Variants in AK5 observed in about 807,000 individuals in gnomAD.
The protein encoded by AK5 is adenylate kinase 5, also known as adenylate kinase isoenzyme 5.
Under a neutral mutation model 69.5 loss-of-function variants are expected in AK5, and 27 were observed. That is an observed-to-expected ratio of 0.39 (90% CI 0.29 to 0.54). AK5 has a LOEUF of 0.54. Ranked by LOEUF, AK5 falls within the 20% of genes least tolerant of loss-of-function variation. The pLI is 0.71. For synonymous variants in AK5, 260 were observed against 244.4 expected (o/e 1.06, Z -0.60); for missense variants, 531 against 700.4 (o/e 0.76, Z 2.73).
chr1:77,511,302 CA>C (rs1462347072), intron 10 of AK5, among the ~76,000 whole-genome samples: 1 of 151,726 alleles, frequency 6.6e-6, no homozygotes, highest in Non-Finnish European at 1.5e-5. Flanking sequence ...TTCATCTGGA[CA>C]AAAAAGAGGG....
At chr1:77,427,872 CA>C (rs1651319346) in intron 8 of AK5, among the ~76,000 whole-genome samples, 1 of 152,112 alleles carries the variant, frequency 6.6e-6, no homozygotes, top group Admixed American at 6.5e-5. Flanking sequence ...TGCAATAAGA[CA>C]AGAAAATAAA....
intron 8 of AK5, among the ~76,000 whole-genome samples, chr1:77,434,710 C>T (rs561015873): frequency 1.8e-4 from 27 of 152,102 alleles, no homozygotes; most frequent in African/African-American, 6.3e-4. Flanking sequence ...GGCCAATTAC[C>T]AAAAGGGGGA....
chr1:77,367,854 A>AAT (rs1410332582), intron 6 of AK5, among the ~76,000 whole-genome samples: 23 of 2,212 alleles, frequency 0.01, 4 homozygotes, highest in South Asian at 0.083. Context: ...TATTATATAT[A>AAT]ATATATAATA....
chr1:77,544,414 A>C (rs1659432612), intron 13 of AK5, among the ~76,000 whole-genome samples: 1 of 152,182 alleles, frequency 6.6e-6, no homozygotes, highest in Non-Finnish European at 1.5e-5. Flanking sequence ...AAGCTTTTAA[A>C]ATTTTTTCAC....
intron 12 of AK5, among the ~76,000 whole-genome samples, chr1:77,524,870 C>T (rs772716768): frequency 9.9e-5 from 15 of 152,138 alleles, no homozygotes; most frequent in Admixed American, 7.2e-4. Flanking sequence ...GTAGTTTTAG[C>T]GCTTATATAT....
chr1:77,363,674 T>C (rs1315456209), intron 6 of AK5, among the ~76,000 whole-genome samples: 4 of 152,164 alleles, frequency 2.6e-5, no homozygotes, highest in Non-Finnish European at 5.9e-5. Flanking sequence ...AGAGGCCCCA[T>C]GCACAATTCC....
In AK5 at chr1:77,547,863, A is replaced by G. The variant is rs187021861; in HGVS notation, c.1621-10739A>G. 7.6e-4 allele frequency among the ~76,000 whole-genome samples: 115 copies of G among 152,306 alleles called. 1 individual carries two copies. Among genetic ancestry groups the G allele is most frequent in the African/African-American group, 2.5e-3 (102 of 41,572 alleles). On this transcript the variant is annotated intron_variant, in intron 13 of 13. Transcript: ENST00000354567. ...CCTTTCTTGTGCTAGTCAGATTTCA[A>G]GTGCCCAGAAACCACGTGTGGCTAG... is the stretch of plus-strand genomic sequence containing the variant.
At chr1:77,399,964 T>A (rs1026708349) in intron 6 of AK5, among the ~76,000 whole-genome samples, 10 of 152,222 alleles carry the variant, frequency 6.6e-5, no homozygotes, top group Admixed American at 2.0e-4. Context: ...TGCAGTCAAC[T>A]TTGCCTGCCC....
At chr1:77,326,317 T>C (rs921855760) in intron 5 of AK5, among the ~76,000 whole-genome samples, 1 of 152,308 alleles carries the variant, frequency 6.6e-6, no homozygotes, top group South Asian at 2.1e-4. Context: ...TAAATGTGGA[T>C]AAGTGTGAAA....
At chr1:77,423,888 C>T (rs1402882767) in intron 8 of AK5, among the ~76,000 whole-genome samples, 1 of 152,152 alleles carries the variant, frequency 6.6e-6, no homozygotes, top group Non-Finnish European at 1.5e-5. Context: ...GGCCTGCCCT[C>T]AGAAGAAACT....
At chr1:77,357,988 G>T (rs145188347) in intron 6 of AK5, among the ~76,000 whole-genome samples, 507 of 49,004 alleles carry the variant, frequency 0.01, 6 homozygotes, top group African/African-American at 0.023. Context: ...TATTTATGGA[G>T]AGTAGTGTGT....
intron 12 of AK5, among the ~76,000 whole-genome samples, chr1:77,524,676 C>A (rs1397308195): frequency 6.6e-6 from 1 of 152,094 alleles, no homozygotes; most frequent in Non-Finnish European, 1.5e-5. Context: ...CAGATATTTT[C>A]TTTCATTTGA....
intron 5 of AK5, chr1:77,315,195 A>C (rs1299190116): frequency 6.6e-6 from 1 of 152,106 alleles, no homozygotes; most frequent in East Asian, 1.9e-4. Flanking sequence ...GTACCTTCCC[A>C]GAAAGCAGAC....
intron 2 of AK5, among the ~76,000 whole-genome samples, chr1:77,287,394 G>A (rs1658418764): frequency 6.6e-6 from 1 of 152,132 alleles, no homozygotes; most frequent in South Asian, 2.1e-4. Context: ...AATTACATTA[G>A]CAAGCCATAC....
In AK5 at chr1:77,500,967, G is replaced by A. The variant is rs139300959; in HGVS notation, c.1147+14615G>A. On this transcript the variant is annotated intron_variant, in intron 10 of 13. Coordinates refer to ENST00000354567, the MANE Select transcript of AK5 (RefSeq NM_174858.3). ...ATGAAAACTTCAGAGCCCATACAGC[G>A]CAGTGTAGAATTAACTGAAAAAGAA... Among the ~76,000 whole-genome samples, 579 of 152,242 alleles carry A rather than the reference G, an allele frequency of 3.8e-3. 2 individuals carry two copies. The highest frequency in any genetic ancestry group is 0.013 in the African/African-American group (560 of 41,544).
At chr1:77,543,371 A>T (rs1211974686) in intron 13 of AK5, among the ~76,000 whole-genome samples, 1 of 152,224 alleles carries the variant, frequency 6.6e-6, no homozygotes, top group African/African-American at 2.4e-5. Context: ...TTCTTCTTTC[A>T]GTTGGCTAAA....
chr1:77,303,487 T>A (rs1030493663), intron 5 of AK5, among the ~76,000 whole-genome samples: 1 of 152,242 alleles, frequency 6.6e-6, no homozygotes, highest in Non-Finnish European at 1.5e-5. Flanking sequence ...TTGCTTTATA[T>A]ATTTGCAAAT....
intron 8 of AK5, among the ~76,000 whole-genome samples, chr1:77,452,794 C>T (rs1653237216): frequency 6.6e-6 from 1 of 152,176 alleles, no homozygotes; most frequent in Admixed American, 6.5e-5. Flanking sequence ...TCAAAACATC[C>T]AAGAGTTCTT....
At chr1:77,413,793 ACTT>A (rs566721058) in intron 7 of AK5, among the ~76,000 whole-genome samples, 57 of 152,076 alleles carry the variant, frequency 3.7e-4, no homozygotes, top group African/African-American at 1.2e-3. Flanking sequence ...TCCTGGATCT[ACTT>A]CTTCTCTCTT....
Sources: gnomAD v4.1 joint callset for allele counts (sites outside exome capture counted in the v4.1 genomes callset) on GRCh38, gnomAD v4.1.1 for gene constraint, MANE v1.5 for transcripts, NCBI Gene and HGNC (gene_info 2026-07-23, HGNC 2026-07-21) for gene names.